Variants in FOCAD observed in about 807,000 individuals in gnomAD.
The protein encoded by FOCAD is KIAA1797.
In FOCAD, 198 loss-of-function variants were observed where a neutral mutation model predicts 225.6. That is an observed-to-expected ratio of 0.88 (90% confidence interval 0.78 to 0.99). The LOEUF (loss-of-function observed/expected upper bound fraction) is 0.99, where lower values mean the gene tolerates loss of function less well. FOCAD is among the 50% of genes least tolerant of loss of function. FOCAD has a pLI of 0.00. For synonymous variants in FOCAD, 897 were observed against 755.0 expected, an observed-to-expected ratio of 1.19 and a Z score of -3.08; for missense variants, 2,713 against 2,123.6, an observed-to-expected ratio of 1.28 and a Z score of -5.46.
intron 5 of FOCAD, 54 bp downstream of exon 5, chr9:20,740,394 A>C (rs538414058): frequency 1.0e-6 from 1 of 983,326 alleles, no homozygotes; most frequent in African/African-American, 1.7e-5. Flanking sequence ...TAATGAAATT[A>C]TTAACTGTGA....
At chr9:20,962,735 T>C (rs1838867660) in intron 35 of FOCAD, among the ~76,000 whole-genome samples, 1 of 152,204 alleles carries the variant, frequency 6.6e-6, no homozygotes, top group Non-Finnish European at 1.5e-5. Context: ...GGCTGTCAAC[T>C]GGATGAGAGA....
chr9:20,795,985 C>T (rs1350975953), intron 11 of FOCAD, among the ~76,000 whole-genome samples: 2 of 150,182 alleles, frequency 1.3e-5, no homozygotes, highest in African/African-American at 4.9e-5. Flanking sequence ...CCACAACAGG[C>T]CCCGGTGTGT....
At chr9:20,989,427 T>A (rs576018493) in intron 41 of FOCAD, among the ~76,000 whole-genome samples, 1 of 152,330 alleles carries the variant, frequency 6.6e-6, no homozygotes, top group African/African-American at 2.4e-5. Flanking sequence ...TAAATCACAG[T>A]AATCCAACTA....
chr9:20,820,181 A>G (rs902993411), intron 12 of FOCAD, 143 bp from the exon 13 acceptor site: 3 of 594,670 alleles, frequency 5.0e-6, no homozygotes, highest in Non-Finnish European at 8.7e-6. Flanking sequence ...GCTATTTTTC[A>G]TCCTCTAAGA....
At chr9:20,938,625 T>C (rs1413615906) in intron 28 of FOCAD, among the ~76,000 whole-genome samples, 1 of 152,130 alleles carries the variant, frequency 6.6e-6, no homozygotes, top group African/African-American at 2.4e-5. Context: ...ATATACCTAA[T>C]GTTAAATGAC....
chr9:20,885,279 T>A (rs1041499357), intron 21 of FOCAD, 49 bp downstream of exon 21: 33 of 1,358,364 alleles, frequency 2.4e-5, no homozygotes, highest in Non-Finnish European at 3.1e-5. Context: ...TCTCCCTTCA[T>A]GATATGTTTA....
chr9:20,799,781 T>G (rs930577367), intron 11 of FOCAD, among the ~76,000 whole-genome samples: 1 of 152,160 alleles, frequency 6.6e-6, no homozygotes, highest in Non-Finnish European at 1.5e-5. Flanking sequence ...AGCACACTGA[T>G]GGTTCTTGAC....
At chr9:20,990,041 C>T (rs1474982497) in intron 41 of FOCAD, 82 bp from the exon 42 acceptor site, 94 of 1,541,390 alleles carry the variant, frequency 6.1e-5, no homozygotes, top group African/African-American at 9.5e-5. Flanking sequence ...CATTGCCTCA[C>T]GACAGGGGCT....
rs771290178 is a variant in FOCAD at position 20,770,446 on chromosome 9, G to A, written c.906+208G>A. ...TGAAGCAGGAGCCAGCACTTCACAT[G>A]GCTGGTGTAGGAGTGAGAGAGAGGA... is the stretch of plus-strand genomic sequence containing the variant. On this transcript the variant is annotated intron_variant, in intron 8 of 43. Coordinates refer to ENST00000338382, the MANE Select transcript of FOCAD (RefSeq NM_001375567.1). Among the ~76,000 whole-genome samples the A allele has an allele frequency of 3.3e-5, 5 of 152,138 alleles. No individual in the cohort carries two copies. The East Asian group carries it at 9.6e-4, about 29-fold the overall frequency.
intron 1 of FOCAD, among the ~76,000 whole-genome samples, chr9:20,701,910 A>G (rs1232045709): frequency 6.6e-6 from 1 of 152,212 alleles, no homozygotes. Flanking sequence ...GTGCAAACCC[A>G]GGTAATTCAT....
intron 10 of FOCAD, among the ~76,000 whole-genome samples, chr9:20,788,112 TA>T (rs1820121802): frequency 6.6e-6 from 1 of 152,170 alleles, no homozygotes. Context: ...AGTGTATCCA[TA>T]CAATGGAATA....
At chr9:20,966,708 AC>A (rs1839290742) in intron 35 of FOCAD, among the ~76,000 whole-genome samples, 1 of 151,428 alleles carries the variant, frequency 6.6e-6, no homozygotes, top group African/African-American at 2.4e-5. Context: ...TTAGGTAGGG[AC>A]CTAGCTTCAT....
chr9:20,961,262 A>G (rs1429959498), intron 35 of FOCAD, among the ~76,000 whole-genome samples: 2 of 151,130 alleles, frequency 1.3e-5, no homozygotes, highest in Non-Finnish European at 2.9e-5. Flanking sequence ...TTATTTAACT[A>G]TTCAGTTATC....
At chr9:20,851,940 G>T (rs1432725321) in intron 15 of FOCAD, among the ~76,000 whole-genome samples, 1 of 151,836 alleles carries the variant, frequency 6.6e-6, no homozygotes, top group South Asian at 2.1e-4. Flanking sequence ...CTGAGTAGTT[G>T]TAATAGTGAC....
chr9:20,762,158 G>C (rs1426774857), intron 6 of FOCAD, among the ~76,000 whole-genome samples: 3 of 152,190 alleles, frequency 2.0e-5, no homozygotes, highest in Non-Finnish European at 4.4e-5. Flanking sequence ...TTGACACCCG[G>C]ATAGTATTTA....
rs557093083 is a variant in FOCAD at position 20,920,006 on chromosome 9, A to G, written c.2852+3069A>G. On this transcript the variant is annotated intron_variant, in intron 24 of 43. Coordinates refer to ENST00000338382, the MANE Select transcript of FOCAD (RefSeq NM_001375567.1). ...GAGCTTCAGCACAGCAAAAGAAACT[A>G]CCATCAGAGTGAACAGGCAACCTAC... Among the ~76,000 whole-genome samples the G allele has an allele frequency of 1.5e-3, 229 of 152,064 alleles. 2 individuals carry two copies. Among genetic ancestry groups the G allele is most frequent in the African/African-American group, 5.3e-3 (220 of 41,532 alleles).
At chr9:20,889,479 G>A (rs1564116762) in intron 21 of FOCAD, among the ~76,000 whole-genome samples, 1 of 152,036 alleles carries the variant, frequency 6.6e-6, no homozygotes, top group Admixed American at 6.6e-5. Context: ...TAATGTATGT[G>A]TTATTTGTTG....
intron 28 of FOCAD, among the ~76,000 whole-genome samples, chr9:20,934,572 G>A (rs924290613): frequency 2.0e-5 from 3 of 151,824 alleles, no homozygotes; most frequent in African/African-American, 7.3e-5. Flanking sequence ...TTATTTCTGG[G>A]TTATCTATTC....
rs369192863 is a variant in FOCAD, at chr9:20,976,536, A to T, written c.4249A>T (p.Arg1417Trp). 3 of 1,612,838 alleles carry T rather than the reference A, an allele frequency of 1.9e-6. No individual in the cohort carries two copies. Among genetic ancestry groups the T allele is most frequent in the African/African-American group, 2.7e-5 (2 of 74,854 alleles). ...NWAALLSPLM[R>W]LNFGEEIQQL... ...GGCTGCACTTCTCTCTCCACTTATG[A>T]GGCTAAATTTTGGTAAATATCATGT... The change falls in exon 36 of 44, where the codon AGG becomes TGG. Residue 1417 changes from arginine (R) to tryptophan (W), a missense_variant. Physicochemically the swap from Arg to Trp is moderately radical, Grantham distance 101. Coordinates refer to ENST00000338382, the MANE Select transcript of FOCAD (RefSeq NM_001375567.1).
Sources: gnomAD v4.1 joint callset for allele counts (sites outside exome capture counted in the v4.1 genomes callset) on GRCh38, gnomAD v4.1.1 for gene constraint, MANE v1.5 for transcripts, NCBI Gene and HGNC (gene_info 2026-07-23, HGNC 2026-07-21) for gene names.